PDSS2: variants seen among roughly 807,000 people sequenced by gnomAD.
PDSS2 encodes the protein all trans-polyprenyl-diphosphate synthase PDSS2.
A neutral mutation model predicts 44.5 loss-of-function variants in PDSS2; 31 were observed. The observed-to-expected ratio is 0.70, with a 90% CI of 0.52 to 0.94. PDSS2 has a LOEUF of 0.94. PDSS2 is among the 40% of genes least tolerant of loss of function. The probability of loss-of-function intolerance (pLI) is 0.00; values close to 1 mark genes in which losing one functional copy is unlikely to be tolerated. For synonymous variants in PDSS2, 157 were observed against 180.3 expected, an observed-to-expected ratio of 0.87 and a Z score of 1.03; for missense variants, 452 against 482.2, an observed-to-expected ratio of 0.94 and a Z score of 0.59.
intron 3 of PDSS2, among the ~76,000 whole-genome samples, chr6:107,249,616 G>T (rs1262796109): frequency 1.3e-5 from 2 of 152,106 alleles, no homozygotes; most frequent in African/African-American, 4.8e-5. Flanking sequence ...CTTCTCTTCA[G>T]TTTGGGTCAT....
At chr6:107,307,892 C>A (rs983156734) in intron 2 of PDSS2, among the ~76,000 whole-genome samples, 1 of 152,082 alleles carries the variant, frequency 6.6e-6, no homozygotes. Context: ...CTGATGACTC[C>A]TCTCTTTACA....
chr6:107,222,881 G>A (rs1248007114), intron 4 of PDSS2, among the ~76,000 whole-genome samples: 1 of 151,814 alleles, frequency 6.6e-6, no homozygotes, highest in East Asian at 1.9e-4. Flanking sequence ...CAACATGTGA[G>A]GACAGCTTAA....
chr6:107,308,536 A>C (rs528344010), intron 2 of PDSS2, among the ~76,000 whole-genome samples: 1 of 152,334 alleles, frequency 6.6e-6, no homozygotes, highest in South Asian at 2.1e-4. Context: ...CAAGAAAATT[A>C]TATAGTACAT....
At chr6:107,212,763 T>C (rs1396698981) in intron 4 of PDSS2, among the ~76,000 whole-genome samples, 1 of 149,024 alleles carries the variant, frequency 6.7e-6, no homozygotes, top group African/African-American at 2.5e-5. Context: ...CCAAGCACTT[T>C]GGGAGGCCAA....
intron 1 of PDSS2, among the ~76,000 whole-genome samples, chr6:107,432,751 C>T (rs1438728266): frequency 6.7e-6 from 1 of 148,808 alleles, no homozygotes; most frequent in East Asian, 2.0e-4. Flanking sequence ...GAGGGAGACA[C>T]TGTCTCAAAA....
At chr6:107,313,987 G>T (rs146682635) in intron 2 of PDSS2, among the ~76,000 whole-genome samples, 1 of 151,982 alleles carries the variant, frequency 6.6e-6, no homozygotes, top group Non-Finnish European at 1.5e-5. Context: ...CCTGTTCTGC[G>T]CATGAAGGTA....
intron 2 of PDSS2, among the ~76,000 whole-genome samples, chr6:107,300,953 CCT>C (rs1399324818): frequency 6.6e-6 from 1 of 151,966 alleles, no homozygotes; most frequent in Admixed American, 6.6e-5. Context: ...ATAAAGACTC[CCT>C]GAGTCTTTTA....
At chr6:107,378,202 A>G (rs1328226509) in intron 1 of PDSS2, among the ~76,000 whole-genome samples, 1 of 150,656 alleles carries the variant, frequency 6.6e-6, no homozygotes, top group African/African-American at 2.4e-5. Flanking sequence ...TCCCCCTAAC[A>G]TTTGGAACAA....
chr6:107,326,195 C>T (rs2430462), intron 2 of PDSS2, among the ~76,000 whole-genome samples: 102,878 of 151,116 alleles, frequency 0.68, 37,752 homozygotes, highest in Non-Finnish European at 0.81. Context: ...CTCCGTCTCC[C>T]GGGTTGAAGT....
intron 2 of PDSS2, among the ~76,000 whole-genome samples, chr6:107,276,860 G>C (rs1442770504): frequency 6.6e-6 from 1 of 152,182 alleles, no homozygotes; most frequent in Admixed American, 6.5e-5. Flanking sequence ...GCCTCTTAGA[G>C]AATGAAAGGC....
chr6:107,352,882 T>G (rs1318203839), intron 1 of PDSS2, among the ~76,000 whole-genome samples: 1 of 152,148 alleles, frequency 6.6e-6, no homozygotes, highest in Non-Finnish European at 1.5e-5. Flanking sequence ...CCTCACAAAG[T>G]GCCAAGGTTG....
intron 3 of PDSS2, among the ~76,000 whole-genome samples, chr6:107,254,893 T>TA (rs1774955397): frequency 6.6e-6 from 1 of 151,920 alleles, no homozygotes. Context: ...AGATGGAGTC[T>TA]CGCTGTGTCA....
At chr6:107,358,099 C>A (rs1176467521) in intron 1 of PDSS2, among the ~76,000 whole-genome samples, 4 of 152,084 alleles carry the variant, frequency 2.6e-5, no homozygotes, top group Non-Finnish European at 5.9e-5. Flanking sequence ...CTATACCTGA[C>A]CTCATGTGAC....
intron 1 of PDSS2, among the ~76,000 whole-genome samples, chr6:107,439,207 A>G (rs1432611046): frequency 6.6e-6 from 1 of 152,236 alleles, no homozygotes; most frequent in East Asian, 1.9e-4. Flanking sequence ...AGCTGCAATG[A>G]ATACAGGTAT....
At chr6:107,201,554 C>T (rs777884451) in intron 6 of PDSS2, among the ~76,000 whole-genome samples, 13 of 152,196 alleles carry the variant, frequency 8.5e-5, no homozygotes, top group Non-Finnish European at 1.6e-4. Flanking sequence ...AAGAAACAAA[C>T]GTTTTTTTAT....
chr6:107,173,587 A>C (rs937098464), intron 7 of PDSS2, among the ~76,000 whole-genome samples: 4 of 150,060 alleles, frequency 2.7e-5, no homozygotes, highest in South Asian at 2.1e-4. Context: ...AAAAAAAAAA[A>C]AAAAAAAAAA....
chr6:107,443,130 G>C (rs1781559932), intron 1 of PDSS2, among the ~76,000 whole-genome samples: 1 of 152,206 alleles, frequency 6.6e-6, no homozygotes, highest in African/African-American at 2.4e-5. Flanking sequence ...TTGGCCATTA[G>C]AGAACACACT....
At chr6:107,255,936 G>A (rs564738718) in intron 3 of PDSS2, among the ~76,000 whole-genome samples, 27 of 152,124 alleles carry the variant, frequency 1.8e-4, no homozygotes, top group African/African-American at 6.0e-4. Context: ...ATTCTATTAG[G>A]GTGCATTTCA....
intron 4 of PDSS2, among the ~76,000 whole-genome samples, chr6:107,221,836 G>T (rs1405674441): frequency 6.6e-6 from 1 of 152,226 alleles, no homozygotes; most frequent in East Asian, 1.9e-4. Context: ...ACAGAACAAA[G>T]GTGAACTAAT....
Sources: gnomAD v4.1 joint callset for allele counts (sites outside exome capture counted in the v4.1 genomes callset) on GRCh38, gnomAD v4.1.1 for gene constraint, MANE v1.5 for transcripts, NCBI Gene and HGNC (gene_info 2026-07-23, HGNC 2026-07-21) for gene names.